The following ADGRL1 variants were observed in gnomAD, a reference collection of about 807,000 sequenced individuals.
The protein encoded by ADGRL1 is CIRL-1.
A neutral mutation model predicts 148.9 loss-of-function variants in ADGRL1; 31 were observed. The ratio of observed to expected loss-of-function variants is 0.21; its 90% CI spans 0.16 to 0.28. The LOEUF is 0.28. Among genes scored for constraint, ADGRL1 ranks in the 10% least tolerant of loss-of-function variants. The probability of loss-of-function intolerance (pLI) is 1.00; values close to 1 mark genes in which losing one functional copy is unlikely to be tolerated. For synonymous variants in ADGRL1, 937 were observed against 900.3 expected (o/e 1.04, Z -0.73); for missense variants, 1,521 against 2,058.8 (o/e 0.74, Z 5.05).
At chr19:14,156,550 A>AGAGTGT in intron 16 of ADGRL1, 108 bp downstream of exon 16, 2 of 586,006 alleles carry the variant, frequency 3.4e-6, no homozygotes, top group South Asian at 3.5e-5. Context: ...GGAGAGAGAG[A>AGAGTGT]GAGTGTGTGT....
intron 4 of ADGRL1, among the ~76,000 whole-genome samples, 185 bp from the exon 5 acceptor site, chr19:14,163,591 T>G (rs528647580): frequency 1.3e-5 from 2 of 151,718 alleles, no homozygotes; most frequent in East Asian, 3.9e-4. Flanking sequence ...TGGCTGGTGA[T>G]GGGAAGGGGG....
At chr19:14,203,374 C>A (rs1453827664) in intron 1 of ADGRL1, among the ~76,000 whole-genome samples, 2 of 152,150 alleles carry the variant, frequency 1.3e-5, no homozygotes, top group Non-Finnish European at 2.9e-5. Context: ...TGCTCCCACT[C>A]CTCCCGTTCC....
chr19:14,204,338 C>T (rs1414410655), intron 1 of ADGRL1, among the ~76,000 whole-genome samples: 2 of 152,028 alleles, frequency 1.3e-5, no homozygotes, highest in South Asian at 2.1e-4. Context: ...CACGCAGAGT[C>T]CCCTGCCGGG....
intron 1 of ADGRL1, among the ~76,000 whole-genome samples, chr19:14,197,357 C>T (rs1363278167): frequency 6.6e-6 from 1 of 152,000 alleles, no homozygotes; most frequent in Non-Finnish European, 1.5e-5. Context: ...ATTCCCTGCC[C>T]CCGCCCCCAA....
At chr19:14,158,649 T>A in intron 11 of ADGRL1, 97 bp from the exon 12 acceptor site, 1 of 985,042 alleles carries the variant, frequency 1.0e-6, no homozygotes, top group Non-Finnish European at 1.5e-6. Flanking sequence ...TCCTCAGCCC[T>A]TGGCCACGCT....
chr19:14,200,621 A>G (rs1972538545), intron 1 of ADGRL1, among the ~76,000 whole-genome samples: 1 of 152,130 alleles, frequency 6.6e-6, no homozygotes, highest in South Asian at 2.1e-4. Context: ...ATTTACGTAT[A>G]TATTTTTTTG....
intron 4 of ADGRL1, among the ~76,000 whole-genome samples, chr19:14,166,497 G>A (rs1471844716): frequency 3.9e-5 from 6 of 152,000 alleles, no homozygotes; most frequent in Admixed American, 1.3e-4. Context: ...CCTCCAGCCC[G>A]CCTCCCATGA....
Position 14,162,976 on chromosome 19 carries a change from G to A in ADGRL1, c.825C>T (p.Ile275=), listed in dbSNP as rs371235772. 29 of 1,613,832 alleles carry A rather than the reference G, an allele frequency of 1.8e-5. No individual in the cohort carries two copies. In the African/African-American group the frequency reaches 3.9e-4, roughly 22 times the overall value. ...LAVDENGLWV[I]YATEGNNGRL... ...GCCCGTTGTTGCCCTCAGTGGCGTA[G>A]ATGACCCACAGCCCGTTCTCGTCCA... Residue 275 remains isoleucine, a synonymous_variant, in exon 5 of 23, where the codon ATC becomes ATT. Transcript: ENST00000361434. The surrounding 1 kb of genome is among the most constrained non-coding windows in gnomAD (Gnocchi z 5.4).
Position 14,162,685 on chromosome 19 carries a change from G to T in ADGRL1, c.1116C>A (p.Arg372=), listed in dbSNP as rs1046467603. The change falls in exon 5 of 23, where the codon CGC becomes CGA. Residue 372 remains arginine, a synonymous_variant. Transcript: ENST00000361434. The surrounding 1 kb of genome is among the most constrained non-coding windows in gnomAD (Gnocchi z 5.4). ...TGTTCCAGACGTACAGCTGGTTGTC[G>T]CGAGGGTTGTAGTCAACGGAGGAGA... ...QFISSVDYNP[R]DNQLYVWNNY... is the part of the protein sequence containing the mutation. The T allele has an allele frequency of 3.7e-6, 6 of 1,614,106 alleles. No individual in the cohort carries two copies. Among genetic ancestry groups the T allele is most frequent in the South Asian group, 1.1e-5 (1 of 91,080 alleles).
At position 14,152,164 on chromosome 19, in the gene ADGRL1, C is replaced by T; in HGVS notation, c.3650-14G>A. 1 of 1,614,062 alleles carries T rather than the reference C, an allele frequency of 6.2e-7. No individual in the cohort carries two copies. Among genetic ancestry groups the T allele is most frequent in the African/African-American group, 1.3e-5 (1 of 75,010 alleles). ...CCCGGTAGCTCCCTGCAGGTGGCAG[C>T]CAGAAGAGAGAAGAGAAAAGGCAAG... is the stretch of plus-strand genomic sequence containing the variant. On this transcript the variant is annotated splice_polypyrimidine_tract_variant and intron_variant, in intron 21 of 22. Coordinates refer to ENST00000361434, the MANE Select transcript of ADGRL1 (RefSeq NM_014921.5). This position sits in a 1 kb window ranked among gnomAD's most constrained non-coding sequence, Gnocchi z 6.1.
At position 14,160,607 on chromosome 19, in the gene ADGRL1, G is replaced by C. The variant is rs1400056021; in HGVS notation, c.1600C>G (p.Gln534Glu). The C allele has an allele frequency of 6.2e-7, 1 of 1,608,724 alleles. No homozygotes were observed. Among genetic ancestry groups the C allele is most frequent in the South Asian group, 1.1e-5 (1 of 90,256 alleles). Residue 534 changes from glutamine to glutamate, a missense_variant, in exon 7 of 23, where the codon CAG (glutamine) becomes GAG (glutamate). By Grantham distance (29) the Gln-to-Glu change is conservative. This residue lies in a region of ADGRL1 where 270 missense variants were observed against 320.4 expected (regional missense o/e 0.84). Transcript: ENST00000361434. The surrounding 1 kb of genome is among the most constrained non-coding windows in gnomAD (Gnocchi z 5.9). The part of the protein sequence containing the change: ...LSNCTSPWVN[Q>E]VAQKIKSGEN... ...GTGGCTGGTACCTTCTGGGCCACCTGGTTGACCCAGGGGGAGGTGCAGTTG... is the reference window on the plus strand; with the variant it reads ...GTGGCTGGTACCTTCTGGGCCACCTCGTTGACCCAGGGGGAGGTGCAGTTG...
At chr19:14,191,431 C>T (rs1001023254) in intron 1 of ADGRL1, 2 of 456,590 alleles carry the variant, frequency 4.4e-6, no homozygotes, top group Non-Finnish European at 8.8e-6. Context: ...ACTCGGGATG[C>T]TCCTGGCACA....
Position 14,178,021 on chromosome 19 carries a change from G to A in ADGRL1, c.71-277C>T, listed in dbSNP as rs191965670. ...CTTGATAAGAGTGACTGTTTTCCTG[G>A]GGTCCTCGGGCTACACCAGATATGC... On this transcript the variant is annotated intron_variant, in intron 2 of 22. Transcript: ENST00000361434. Among the ~76,000 whole-genome samples the A allele has an allele frequency of 7.3e-3, 1,106 of 152,212 alleles. 15 individuals are homozygous for A. The Middle Eastern group carries it at 0.11, about 15-fold the overall frequency.
chr19:14,168,658 C>T (rs528498557), intron 4 of ADGRL1: 1 of 152,322 alleles, frequency 6.6e-6, no homozygotes, highest in South Asian at 2.1e-4. Context: ...TGACCTGAGC[C>T]TCTCGTCTAC....
intron 16 of ADGRL1, 109 bp downstream of exon 16, chr19:14,156,549 G>C (rs1201308260): frequency 1.2e-6 from 1 of 801,922 alleles, no homozygotes; most frequent in Non-Finnish European, 2.0e-6. Context: ...TGGAGAGAGA[G>C]AGAGTGTGTG....
At chr19:14,166,579 AG>A (rs1278424342) in intron 4 of ADGRL1, among the ~76,000 whole-genome samples, 5 of 148,728 alleles carry the variant, frequency 3.4e-5, no homozygotes, top group Admixed American at 1.4e-4. Context: ...AGAGAGAGAG[AG>A]AAAGAGAGAG....
At position 14,152,849 on chromosome 19, in the gene ADGRL1, C is replaced by T; in HGVS notation, c.3358G>A (p.Gly1120Ser). ...SYCCIRSPPG[G>S]THGSLKTSAM... is the part of the protein sequence containing the mutation. ...GAGGTCTTGAGGGATCCGTGAGTGC[C>T]CCCGGGTGGGGAGCGGATGCAGCAG... Residue 1120 changes from glycine (G) to serine (S), a missense_variant, in exon 19 of 23, where the codon GGC becomes AGC. Coordinates refer to ENST00000361434, the MANE Select transcript of ADGRL1 (RefSeq NM_014921.5). The surrounding 1 kb of genome is among the most constrained non-coding windows in gnomAD (Gnocchi z 6.1). 2 of 1,614,172 alleles carry T rather than the reference C, an allele frequency of 1.2e-6. No homozygotes were observed. The highest frequency in any genetic ancestry group is 1.7e-6 in the Non-Finnish European group (2 of 1,180,030).
chr19:14,170,689 G>A lies in ADGRL1; in HGVS notation c.387C>T (p.Val129=), dbSNP rs1332808406. Residue 129 remains valine, a synonymous_variant, in exon 4 of 23, where the codon GTC becomes GTT. Transcript: ENST00000361434. Reference sequence around the variant, plus strand: ...AGGAACAAGATGACTCACTGTAGGGGACACAGTCGTACTGCACCTCCAGGT... The same window carrying A: ...AGGAACAAGATGACTCACTGTAGGGAACACAGTCGTACTGCACCTCCAGGT... The part of the protein sequence containing the change: ...YKYLEVQYDC[V]PYIFVCPGTL... 3.7e-6 allele frequency: 6 copies of A among 1,604,852 alleles called. No homozygotes were observed. The highest frequency in any genetic ancestry group is 5.1e-6 in the Non-Finnish European group (6 of 1,172,130).
chr19:14,154,936 C>T (rs1313678301), intron 18 of ADGRL1, among the ~76,000 whole-genome samples: 2 of 152,060 alleles, frequency 1.3e-5, no homozygotes, highest in Non-Finnish European at 2.9e-5. Context: ...TTTTAAGATT[C>T]AGATTTTAAC....
Sources: gnomAD v4.1 joint callset for allele counts (sites outside exome capture counted in the v4.1 genomes callset) on GRCh38, gnomAD v4.1.1 for gene constraint, gnomAD v4.1.1 regional missense constraint, Gnocchi (gnomAD v3.1) non-coding constraint, MANE v1.5 for transcripts, NCBI Gene and HGNC (gene_info 2026-07-23, HGNC 2026-07-21) for gene names.